DLGAP4: variants seen among roughly 807,000 people sequenced by gnomAD.
The protein encoded by DLGAP4 is DLG associated protein 4.
Under a neutral mutation model 86.9 loss-of-function variants are expected in DLGAP4, and 18 were observed. That is an observed-to-expected ratio of 0.21 (90% CI 0.14 to 0.31). The LOEUF (loss-of-function observed/expected upper bound fraction) is 0.31, where lower values mean the gene tolerates loss of function less well. Ranked by LOEUF, DLGAP4 falls within the 10% of genes least tolerant of loss-of-function variation. The probability of loss-of-function intolerance (pLI) is 1.00; values close to 1 mark genes in which losing one functional copy is unlikely to be tolerated. For synonymous variants in DLGAP4, 548 were observed against 574.3 expected (o/e 0.95, Z 0.65); for missense variants, 1,085 against 1,362.6 (o/e 0.80, Z 3.21).
At chr20:36,409,062 G>A (rs1032486247) in intron 2 of DLGAP4, among the ~76,000 whole-genome samples, 11 of 120,288 alleles carry the variant, frequency 9.1e-5, no homozygotes, top group Admixed American at 3.2e-4. Context: ...TTGAGACAGA[G>A]TCTCGCTCTG....
intron 1 of DLGAP4, among the ~76,000 whole-genome samples, chr20:36,334,051 A>G (rs1286296987): frequency 6.6e-6 from 1 of 152,212 alleles, no homozygotes; most frequent in African/African-American, 2.4e-5. Flanking sequence ...GTGCTGCGTC[A>G]TTCAGCAAAC....
intron 1 of DLGAP4, among the ~76,000 whole-genome samples, chr20:36,333,330 G>GT (rs1202646510): frequency 2.6e-4 from 40 of 151,256 alleles, no homozygotes; most frequent in East Asian, 9.7e-4. Flanking sequence ...TTAATAGAGG[G>GT]TTTTTTTTTC....
Position 36,431,327 on chromosome 20 carries a change from C to A in DLGAP4, c.-72-319C>A, listed in dbSNP as rs941581108. On this transcript the variant is annotated intron_variant, in intron 2 of 12. Coordinates refer to ENST00000339266, the MANE Select transcript of DLGAP4 (RefSeq NM_001365621.2). The surrounding 1 kb of genome is among the most constrained non-coding windows in gnomAD (Gnocchi z 5.1). ...AGAGTGGAGGATGGGCAGCCCCCCA[C>A]CCATATTTCATCATGGAATTCAGAG... Among the ~76,000 whole-genome samples, 1 of 152,096 alleles carries A rather than the reference C, an allele frequency of 6.6e-6. No homozygotes were observed. Among genetic ancestry groups the A allele is most frequent in the African/African-American group, 2.4e-5 (1 of 41,394 alleles).
chr20:36,399,413 G>A (rs999980343), intron 2 of DLGAP4, among the ~76,000 whole-genome samples: 1 of 152,148 alleles, frequency 6.6e-6, no homozygotes, highest in Non-Finnish European at 1.5e-5. Flanking sequence ...CTCACATTCT[G>A]TGTAAGAAAA....
intron 1 of DLGAP4, among the ~76,000 whole-genome samples, chr20:36,334,695 G>C (rs1360684993): frequency 6.6e-6 from 1 of 152,174 alleles, no homozygotes; most frequent in Non-Finnish European, 1.5e-5. Context: ...GGCAAGGAAG[G>C]CAGTCTGGCT....
At chr20:36,522,830 G>A (rs1336721679) in intron 10 of DLGAP4, among the ~76,000 whole-genome samples, 1 of 152,056 alleles carries the variant, frequency 6.6e-6, no homozygotes. Flanking sequence ...TTGGGGATGG[G>A]TGGCACTGTC....
intron 2 of DLGAP4, among the ~76,000 whole-genome samples, chr20:36,415,092 C>T (rs979388778): frequency 6.6e-6 from 1 of 152,048 alleles, no homozygotes; most frequent in African/African-American, 2.4e-5. Context: ...ATGGTGAAAC[C>T]CCGTCTCTAC....
At chr20:36,518,569 C>T (rs2037180863) in intron 10 of DLGAP4, among the ~76,000 whole-genome samples, 1 of 152,116 alleles carries the variant, frequency 6.6e-6, no homozygotes, top group South Asian at 2.1e-4. Flanking sequence ...TCTGCAACTT[C>T]CACTGTGATT....
At chr20:36,344,482 G>A (rs782175399) in intron 1 of DLGAP4, among the ~76,000 whole-genome samples, 2 of 152,134 alleles carry the variant, frequency 1.3e-5, no homozygotes, top group East Asian at 1.9e-4. Flanking sequence ...CTACAGACCC[G>A]TGAGGTCAGT....
At chr20:36,435,103 G>A (rs2033235856) in intron 3 of DLGAP4, among the ~76,000 whole-genome samples, 1 of 152,024 alleles carries the variant, frequency 6.6e-6, no homozygotes. Context: ...GTGACAAAGT[G>A]GCTGCTGGTG....
intron 7 of DLGAP4, among the ~76,000 whole-genome samples, chr20:36,496,480 C>T (rs559562265): frequency 1.3e-5 from 2 of 152,236 alleles, no homozygotes; most frequent in African/African-American, 4.8e-5. Flanking sequence ...GTGGCATCCC[C>T]TCAAGACTTT....
intron 12 of DLGAP4, 146 bp downstream of exon 12, chr20:36,526,152 C>T (rs1008975003): frequency 8.4e-7 from 1 of 1,186,886 alleles, no homozygotes. Context: ...GCGTGGGGTC[C>T]ATGCTTGGCA....
At chr20:36,478,146 A>C (rs1356092369) in intron 7 of DLGAP4, among the ~76,000 whole-genome samples, 2 of 152,216 alleles carry the variant, frequency 1.3e-5, no homozygotes, top group Admixed American at 6.5e-5. Context: ...CATGGTGATC[A>C]TCTTGTCCAG....
At chr20:36,338,048 G>A (rs560949561) in intron 1 of DLGAP4, among the ~76,000 whole-genome samples, 19 of 152,238 alleles carry the variant, frequency 1.2e-4, no homozygotes, top group Non-Finnish European at 2.6e-4. Flanking sequence ...GTCCACATGT[G>A]TGGGCAAGTA....
At chr20:36,375,650 T>G (rs895137098) in intron 2 of DLGAP4, among the ~76,000 whole-genome samples, 1 of 152,128 alleles carries the variant, frequency 6.6e-6, no homozygotes, top group Non-Finnish European at 1.5e-5. Flanking sequence ...GCCAAAGCAG[T>G]TGATTCTGTT....
intron 7 of DLGAP4, among the ~76,000 whole-genome samples, chr20:36,477,103 T>C (rs2034979624): frequency 1.3e-5 from 2 of 151,018 alleles, no homozygotes; most frequent in African/African-American, 4.9e-5. Context: ...TTTTCTCTTT[T>C]TTCTTTTTTT....
intron 1 of DLGAP4, among the ~76,000 whole-genome samples, chr20:36,345,501 C>G (rs1470064677): frequency 1.3e-5 from 2 of 152,212 alleles, no homozygotes; most frequent in Admixed American, 6.5e-5. Flanking sequence ...GGTCACTTCT[C>G]TTCTCTCTCA....
At chr20:36,523,536 G>A (rs1419788091) in intron 10 of DLGAP4, among the ~76,000 whole-genome samples, 2 of 152,120 alleles carry the variant, frequency 1.3e-5, no homozygotes, top group Admixed American at 6.5e-5. Context: ...TCTCTGGAAC[G>A]GAATATATAA....
At position 36,432,785 on chromosome 20, in the gene DLGAP4, G is replaced by A. The variant is rs1423378763; in HGVS notation, c.999+69G>A. Reference sequence around the variant, plus strand: ...ACGGCACCAGTTTTGAGGCCTAGACGTACCACAGATTCACTTGGAAAGTCA... The same window carrying A: ...ACGGCACCAGTTTTGAGGCCTAGACATACCACAGATTCACTTGGAAAGTCA... On this transcript the variant is annotated intron_variant, in intron 3 of 12. Coordinates refer to ENST00000339266, the MANE Select transcript of DLGAP4 (RefSeq NM_001365621.2). This position sits in a 1 kb window ranked among gnomAD's most constrained non-coding sequence, Gnocchi z 6.5. 5.8e-6 allele frequency: 9 copies of A among 1,551,676 alleles called. No homozygotes were observed. The highest frequency in any genetic ancestry group is 1.2e-5 in the South Asian group (1 of 84,530).
Sources: gnomAD v4.1 joint callset for allele counts (sites outside exome capture counted in the v4.1 genomes callset) on GRCh38, gnomAD v4.1.1 for gene constraint, Gnocchi (gnomAD v3.1) non-coding constraint, MANE v1.5 for transcripts, NCBI Gene and HGNC (gene_info 2026-07-23, HGNC 2026-07-21) for gene names.